ARHGAP42: variants seen among roughly 807,000 people sequenced by gnomAD.
The protein encoded by ARHGAP42 is rho GTPase-activating protein 42.
Under a neutral mutation model 125.0 loss-of-function variants are expected in ARHGAP42, and 63 were observed. The ratio of observed to expected loss-of-function variants is 0.50; its 90% CI spans 0.41 to 0.62. The LOEUF (loss-of-function observed/expected upper bound fraction) is 0.62, where lower values mean the gene tolerates loss of function less well. Ranked by LOEUF, ARHGAP42 falls within the 20% of genes least tolerant of loss-of-function variation. The pLI is 0.00. For missense variants in ARHGAP42, 766 were observed against 1,024.2 expected (o/e 0.75, Z 3.44); for synonymous variants, 339 against 351.0 (o/e 0.97, Z 0.38).
rs1411487251 is a variant in ARHGAP42, at chr11:100,990,536, A to G, written c.*1735A>G. 6.6e-6 allele frequency: 1 copy of G among 152,246 alleles called. No homozygotes were observed. Among genetic ancestry groups the G allele is most frequent in the African/African-American group, 2.4e-5 (1 of 41,466 alleles). The allele number at this position is 152,246 out of a possible 1,614,324, so 9.4% of individuals were successfully genotyped here. On this transcript the variant is annotated 3_prime_UTR_variant, in exon 24 of 24. Transcript: ENST00000298815. ...AAGAATGAAAAATATTATGTAATAA[A>G]AATTAGCAATGTAATGTAAACGTTT... is the stretch of plus-strand genomic sequence containing the variant.
At chr11:100,875,105 CTCTGTGTG>C (rs779202821) in intron 4 of ARHGAP42, among the ~76,000 whole-genome samples, 1,209 of 48,966 alleles carry the variant, frequency 0.025, 3 homozygotes, top group Middle Eastern at 0.06. Context: ...CTCTCTCTCT[CTCTGTGTG>C]TGTGTGTGTG....
chr11:100,716,512 A>G (rs1055285602), intron 1 of ARHGAP42, among the ~76,000 whole-genome samples: 3 of 152,178 alleles, frequency 2.0e-5, no homozygotes, highest in African/African-American at 7.2e-5. Flanking sequence ...CTGATTGTCA[A>G]TTTCTGAAGC....
chr11:100,820,062 T>C (rs1428810100), intron 3 of ARHGAP42, among the ~76,000 whole-genome samples: 1 of 152,166 alleles, frequency 6.6e-6, no homozygotes, highest in Admixed American at 6.6e-5. Flanking sequence ...GCAGTAAATA[T>C]GAAAAGGTAA....
In ARHGAP42 at chr11:100,771,966, G is replaced by A. The variant is rs144183530; in HGVS notation, c.250+1528G>A. Among the ~76,000 whole-genome samples, 193 of 152,282 alleles carry A rather than the reference G, an allele frequency of 1.3e-3. 1 individual carries two copies. The highest frequency in any genetic ancestry group is 4.5e-3 in the African/African-American group (187 of 41,558). The stretch of plus-strand genomic sequence containing the variant: ...CATTTCTAATAGATTTGAAAGTAAT[G>A]TCCACACTGCTAGTCCATGGACCAC... On this transcript the variant is annotated intron_variant, in intron 2 of 23. Transcript: ENST00000298815.
At chr11:100,884,098 A>G (rs1866025903) in intron 4 of ARHGAP42, among the ~76,000 whole-genome samples, 2 of 152,108 alleles carry the variant, frequency 1.3e-5, no homozygotes, top group Admixed American at 1.3e-4. Flanking sequence ...CATTTGTACT[A>G]TGTGATTATG....
chr11:100,817,089 C>T (rs929616636), intron 3 of ARHGAP42, among the ~76,000 whole-genome samples: 1 of 152,214 alleles, frequency 6.6e-6, no homozygotes, highest in East Asian at 1.9e-4. Context: ...GAATACAATT[C>T]ATTTCCAGTC....
At chr11:100,741,542 C>T (rs1262605518) in intron 1 of ARHGAP42, among the ~76,000 whole-genome samples, 2 of 152,184 alleles carry the variant, frequency 1.3e-5, no homozygotes, top group East Asian at 3.8e-4. Flanking sequence ...GCCTCTAGTC[C>T]AGATTGAAGA....
chr11:100,802,013 A>T (rs563363569), intron 3 of ARHGAP42, among the ~76,000 whole-genome samples: 106 of 152,332 alleles, frequency 7.0e-4, no homozygotes, highest in Non-Finnish European at 1.2e-3. Context: ...CACTTAAATG[A>T]TTTGGGTTAG....
chr11:100,786,203 A>G (rs1326795341), intron 2 of ARHGAP42, among the ~76,000 whole-genome samples: 1 of 152,226 alleles, frequency 6.6e-6, no homozygotes, highest in Non-Finnish European at 1.5e-5. Context: ...TTAAAACAAA[A>G]CAAAACAAGG....
chr11:100,787,293 TG>T (rs1221601115), intron 2 of ARHGAP42, among the ~76,000 whole-genome samples: 1 of 149,410 alleles, frequency 6.7e-6, no homozygotes, highest in Non-Finnish European at 1.5e-5. Flanking sequence ...AAAAAAAAAG[TG>T]GCAGTTTCCC....
At chr11:100,726,070 C>A (rs1861855886) in intron 1 of ARHGAP42, among the ~76,000 whole-genome samples, 2 of 132,638 alleles carry the variant, frequency 1.5e-5, no homozygotes, top group African/African-American at 6.0e-5. Context: ...GGAGAAAGAC[C>A]TTGTCTCTCT....
chr11:100,935,485 A>G (rs1453544793), intron 7 of ARHGAP42, among the ~76,000 whole-genome samples: 3 of 152,192 alleles, frequency 2.0e-5, no homozygotes, highest in Non-Finnish European at 4.4e-5. Flanking sequence ...TATCAAAAGT[A>G]TATGAATTTA....
Position 100,780,009 on chromosome 11 carries a change from G to A in ARHGAP42, c.250+9571G>A, listed in dbSNP as rs1308839548. Among the ~76,000 whole-genome samples the A allele has an allele frequency of 2.6e-5, 4 of 151,280 alleles. 1 individual carries two copies. Among genetic ancestry groups the A allele is most frequent in the Admixed American group, 2.0e-4 (3 of 15,168 alleles). On this transcript the variant is annotated intron_variant, in intron 2 of 23. Coordinates refer to ENST00000298815, the MANE Select transcript of ARHGAP42 (RefSeq NM_152432.4). ...CCACTGCACTCTAGCCTGGGGGACA[G>A]AGTGAGACTCCATCTCAAAAACTAA... is the stretch of plus-strand genomic sequence containing the variant.
intron 1 of ARHGAP42, among the ~76,000 whole-genome samples, chr11:100,711,110 C>T (rs868693200): frequency 6.6e-6 from 1 of 152,154 alleles, no homozygotes; most frequent in South Asian, 2.1e-4. Context: ...TATTCCAGAG[C>T]TTAGGACTGG....
chr11:100,813,700 T>C (rs1449766294), intron 3 of ARHGAP42, among the ~76,000 whole-genome samples: 3 of 152,196 alleles, frequency 2.0e-5, no homozygotes, highest in African/African-American at 7.2e-5. Context: ...CTCTTGTAAG[T>C]AGACTTAATA....
Position 100,992,503 on chromosome 11 carries a change from C to G in ARHGAP42, c.*3702C>G. 6.2e-7 allele frequency: 1 copy of G among 1,614,032 alleles called. No individual in the cohort carries two copies. Among genetic ancestry groups the G allele is most frequent in the Non-Finnish European group, 8.5e-7 (1 of 1,179,948 alleles). ...CCAAAATCAAGACACTTTTAAGAAA[C>G]AAAGATAGTTTTCTGAACATTCTGT... On this transcript the variant is annotated 3_prime_UTR_variant, in exon 24 of 24. Coordinates refer to ENST00000298815, the MANE Select transcript of ARHGAP42 (RefSeq NM_152432.4).
At chr11:100,934,360 G>T (rs998334283) in intron 7 of ARHGAP42, among the ~76,000 whole-genome samples, 1 of 151,274 alleles carries the variant, frequency 6.6e-6, no homozygotes, top group African/African-American at 2.4e-5. Flanking sequence ...TACAATCTCA[G>T]CATATTACCC....
intron 1 of ARHGAP42, among the ~76,000 whole-genome samples, chr11:100,746,761 A>T (rs1345256146): frequency 6.6e-6 from 1 of 152,234 alleles, no homozygotes; most frequent in Non-Finnish European, 1.5e-5. Context: ...AAACCATAGA[A>T]GCGCTCTAAA....
rs992863931 is a variant in ARHGAP42, at chr11:100,990,005, T to C, written c.*1204T>C. 5 of 152,212 alleles carry C rather than the reference T, an allele frequency of 3.3e-5. No individual in the cohort carries two copies. The highest frequency in any genetic ancestry group is 2.6e-4 in the Admixed American group (4 of 15,268). The allele number at this position is 152,212 out of a possible 1,614,324, so 9.4% of individuals were successfully genotyped here. A position where few individuals can be genotyped will look rare whatever the true frequency, so the allele number is the denominator to read the frequency against. On this transcript the variant is annotated 3_prime_UTR_variant, in exon 24 of 24. Transcript: ENST00000298815. ...TATGCCTTTTAGTTTACAGTCTTTA[T>C]TAGCAATTTCAGTGAATTTGTAGAG...
Sources: gnomAD v4.1 joint callset for allele counts (sites outside exome capture counted in the v4.1 genomes callset) on GRCh38, gnomAD v4.1.1 for gene constraint, MANE v1.5 for transcripts, NCBI Gene and HGNC (gene_info 2026-07-23, HGNC 2026-07-21) for gene names.